SPRED2: variants seen among roughly 807,000 people sequenced by gnomAD.
The protein encoded by SPRED2 is sprouty related EVH1 domain containing 2.
A neutral mutation model predicts 43.0 loss-of-function variants in SPRED2; 47 were observed. The observed-to-expected ratio is 1.09, with a 90% confidence interval of 0.87 to 1.40. The LOEUF (loss-of-function observed/expected upper bound fraction) is 1.40. Ranked by LOEUF, SPRED2 falls within the 40% of genes most tolerant of loss-of-function variation. The pLI is 0.00. For missense variants in SPRED2, 561 were observed against 586.4 expected, an observed-to-expected ratio of 0.96 and a Z score of 0.45; for synonymous variants, 225 against 225.7, an observed-to-expected ratio of 1.00 and a Z score of 0.03.
intron 1 of SPRED2, among the ~76,000 whole-genome samples, chr2:65,375,437 C>T (rs756548297): frequency 6.8e-6 from 1 of 146,658 alleles, no homozygotes; most frequent in Non-Finnish European, 1.5e-5. Context: ...CAGCACTCAT[C>T]CTCATAATAG....
At chr2:65,410,229 C>T (rs1676123749) in intron 1 of SPRED2, among the ~76,000 whole-genome samples, 1 of 151,738 alleles carries the variant, frequency 6.6e-6, no homozygotes, top group South Asian at 2.1e-4. Context: ...GCAGTGAGAC[C>T]TTGTCTCTTA....
intron 3 of SPRED2, chr2:65,334,207 C>T (rs1215654894): frequency 4.2e-6 from 2 of 472,158 alleles, no homozygotes; most frequent in African/African-American, 2.0e-5. Flanking sequence ...CCTCTGATTA[C>T]AGGAGGACAG....
chr2:65,423,772 CT>C (rs11306222), intron 1 of SPRED2, among the ~76,000 whole-genome samples: 113,028 of 143,718 alleles, frequency 0.79, 44,621 homozygotes, highest in African/African-American at 0.94. Context: ...CTCATTTATG[CT>C]TTTTTTTTTT....
chr2:65,415,735 A>C (rs533020258), intron 1 of SPRED2, among the ~76,000 whole-genome samples: 1 of 152,074 alleles, frequency 6.6e-6, no homozygotes, highest in African/African-American at 2.4e-5. Context: ...TTTATTTTTT[A>C]ATTTTTTTTA....
intron 1 of SPRED2, among the ~76,000 whole-genome samples, chr2:65,416,365 A>C (rs1431841935): frequency 6.6e-6 from 1 of 152,212 alleles, no homozygotes; most frequent in Admixed American, 6.5e-5. Flanking sequence ...GCCAACCAAC[A>C]CACTGCCCAG....
chr2:65,365,631 T>C (rs570273039), intron 1 of SPRED2, among the ~76,000 whole-genome samples: 8 of 152,322 alleles, frequency 5.3e-5, no homozygotes, highest in East Asian at 1.9e-4. Flanking sequence ...GGCAGTTGTG[T>C]TATAGGTCCT....
intron 1 of SPRED2, among the ~76,000 whole-genome samples, chr2:65,391,439 A>C (rs1675634248): frequency 6.6e-6 from 1 of 152,236 alleles, no homozygotes; most frequent in Non-Finnish European, 1.5e-5. Context: ...GTTTTAGGCA[A>C]ACTTTAGGCA....
At chr2:65,336,862 C>A (rs1673980644) in intron 2 of SPRED2, among the ~76,000 whole-genome samples, 2 of 152,044 alleles carry the variant, frequency 1.3e-5, no homozygotes, top group Non-Finnish European at 2.9e-5. Context: ...TAATACCAGC[C>A]CTTTGGGAGG....
intron 1 of SPRED2, among the ~76,000 whole-genome samples, chr2:65,392,625 A>G (rs895763777): frequency 3.3e-5 from 5 of 152,184 alleles, no homozygotes; most frequent in African/African-American, 1.2e-4. Flanking sequence ...GTCAAGCTCT[A>G]TATTAGAACA....
At chr2:65,360,101 A>AAAAAAAAAAAAAC (rs1674768391) in intron 1 of SPRED2, among the ~76,000 whole-genome samples, 5 of 12,602 alleles carry the variant, frequency 4.0e-4, no homozygotes, top group Non-Finnish European at 8.9e-4. Context: ...AAAAAAAAAC[A>AAAAAAAAAAAAAC]AAAAAAAAAA....
At chr2:65,365,536 CT>C (rs1383946339) in intron 1 of SPRED2, among the ~76,000 whole-genome samples, 1 of 152,196 alleles carries the variant, frequency 6.6e-6, no homozygotes, top group Non-Finnish European at 1.5e-5. Flanking sequence ...AACCCCAGAT[CT>C]GTTTAATGCT....
In SPRED2 at chr2:65,311,055, T is replaced by C; in HGVS notation, c.*2446A>G. The C allele has an allele frequency of 2.0e-6, 2 of 985,644 alleles. No individual in the cohort carries two copies. Among genetic ancestry groups the C allele is most frequent in the Non-Finnish European group, 2.4e-6 (2 of 829,706 alleles). The allele number at this position is 985,644 out of a possible 1,614,324, so 61.1% of individuals were successfully genotyped here. A position where few individuals can be genotyped will look rare whatever the true frequency, so the allele number is the denominator to read the frequency against. Reference sequence around the variant, plus strand: ...TAGTATACAGGTAAAGAATGAATTATGCTTCAGGCACTTTAATTTGTTAAT... The same window carrying C: ...TAGTATACAGGTAAAGAATGAATTACGCTTCAGGCACTTTAATTTGTTAAT... On this transcript the variant is annotated 3_prime_UTR_variant, in exon 6 of 6. Coordinates refer to ENST00000356388, the MANE Select transcript of SPRED2 (RefSeq NM_181784.3).
At chr2:65,351,220 T>C (rs985601730) in intron 1 of SPRED2, among the ~76,000 whole-genome samples, 1 of 152,036 alleles carries the variant, frequency 6.6e-6, no homozygotes, top group Non-Finnish European at 1.5e-5. Context: ...CCTCCAGCAA[T>C]TGTCAAGAGA....
chr2:65,411,750 G>A (rs1438532326), intron 1 of SPRED2, among the ~76,000 whole-genome samples: 1 of 152,178 alleles, frequency 6.6e-6, no homozygotes, highest in Non-Finnish European at 1.5e-5. Flanking sequence ...ACATACTCAG[G>A]AACTATTAAA....
rs144206908 is a variant in SPRED2, at chr2:65,379,000, C to T, written c.27-34104G>A. Among the ~76,000 whole-genome samples the T allele has an allele frequency of 1.8e-4, 28 of 152,212 alleles. No individual in the cohort carries two copies. In the East Asian group the frequency reaches 5.2e-3, roughly 28 times the overall value. ...CTGCTCAAGCCTTTCCTGGGACCCC[C>T]TTGGCCTGATTATCTGTCTCTCTAG... On this transcript the variant is annotated intron_variant, in intron 1 of 5. Coordinates refer to ENST00000356388, the MANE Select transcript of SPRED2 (RefSeq NM_181784.3).
chr2:65,316,700 C>T (rs184960969), intron 5 of SPRED2, 34 bp downstream of exon 5: 1 of 1,586,750 alleles, frequency 6.3e-7, no homozygotes, highest in Non-Finnish European at 8.6e-7. Flanking sequence ...AGGCACCACC[C>T]TGATGCCCTC....
chr2:65,378,023 C>A, intron 1 of SPRED2: 1 of 232,904 alleles, frequency 4.3e-6, no homozygotes, highest in Non-Finnish European at 8.7e-6. Context: ...ATGTCAAGAT[C>A]CCACCAGAAG....
At chr2:65,309,156 C>CAAA (rs11334053), downstream of SPRED2, among the ~76,000 whole-genome samples, 5 of 138,198 alleles carry the variant, frequency 3.6e-5, no homozygotes, top group African/African-American at 1.1e-4. Flanking sequence ...AACTCAGTCT[C>CAAA]AAAAAAAAAA....
rs145336179 is a variant in SPRED2, at chr2:65,399,539, C to T, written c.26+32423G>A. ...CTGGAACTACAGGTGCACGCCACCA[C>T]GCCTGGCTAATTTTTGTATTTTTAG... On this transcript the variant is annotated intron_variant, in intron 1 of 5. Coordinates refer to ENST00000356388, the MANE Select transcript of SPRED2 (RefSeq NM_181784.3). Among the ~76,000 whole-genome samples, 1,081 of 151,768 alleles carry T rather than the reference C, an allele frequency of 7.1e-3. 14 individuals carry two copies. The highest frequency in any genetic ancestry group is 0.025 in the African/African-American group (1,043 of 41,396).
Sources: allele counts gnomAD v4.1 joint callset (sites outside exome capture counted in the v4.1 genomes callset), GRCh38; gene constraint gnomAD v4.1.1; transcripts MANE v1.5; gene names NCBI Gene and HGNC (gene_info 2026-07-23, HGNC 2026-07-21).